Variants in EXOC4 observed in about 807,000 individuals in gnomAD.
The protein encoded by EXOC4 is exocyst complex component 4.
EXOC4 carries 71 observed loss-of-function variants against 107.2 expected under a neutral mutation model. The ratio of observed to expected loss-of-function variants is 0.66; its 90% confidence interval spans 0.55 to 0.81. The LOEUF (loss-of-function observed/expected upper bound fraction) is 0.81. EXOC4 is among the 30% of genes least tolerant of loss of function. The probability of loss-of-function intolerance (pLI) is 0.00; values close to 1 mark genes in which losing one functional copy is unlikely to be tolerated. For synonymous variants in EXOC4, 456 were observed against 441.2 expected (o/e 1.03, Z -0.42); for missense variants, 1,108 against 1,189.6 (o/e 0.93, Z 1.01).
chr7:134,031,117 T>C (rs1029086354), intron 17 of EXOC4, among the ~76,000 whole-genome samples: 36 of 152,146 alleles, frequency 2.4e-4, no homozygotes, highest in African/African-American at 7.7e-4. Context: ...TGATGGAGAA[T>C]AGCGGGGAAG....
chr7:134,035,620 CT>C (rs1383880240), intron 17 of EXOC4, among the ~76,000 whole-genome samples: 4 of 151,542 alleles, frequency 2.6e-5, no homozygotes, highest in Admixed American at 2.0e-4. Flanking sequence ...TGACTTTAAA[CT>C]TTTTTTTTCA....
intron 10 of EXOC4, among the ~76,000 whole-genome samples, chr7:133,787,639 G>A (rs933420836): frequency 1.3e-5 from 2 of 151,716 alleles, no homozygotes; most frequent in Non-Finnish European, 2.9e-5. Context: ...GAGGCTCTTG[G>A]TGGCTTACAG....
chr7:133,903,504 A>G (rs1799501380), intron 12 of EXOC4, among the ~76,000 whole-genome samples: 1 of 152,168 alleles, frequency 6.6e-6, no homozygotes, highest in South Asian at 2.1e-4. Flanking sequence ...GTGTGAGAGA[A>G]AGAAAGGTGT....
chr7:134,037,829 T>C (rs1795425888), intron 17 of EXOC4, among the ~76,000 whole-genome samples: 1 of 152,218 alleles, frequency 6.6e-6, no homozygotes, highest in African/African-American at 2.4e-5. Context: ...TATTTCCCAG[T>C]GATGTCCCAG....
At chr7:134,043,631 C>A (rs895800567) in intron 17 of EXOC4, among the ~76,000 whole-genome samples, 1 of 152,108 alleles carries the variant, frequency 6.6e-6, no homozygotes, top group Admixed American at 6.5e-5. Flanking sequence ...TCTTCCTGGT[C>A]CCTAGGAATG....
intron 11 of EXOC4, among the ~76,000 whole-genome samples, chr7:133,849,268 C>T (rs1798194807): frequency 6.6e-6 from 1 of 151,950 alleles, no homozygotes; most frequent in South Asian, 2.1e-4. Context: ...CAAAGAAATT[C>T]AATTAGCTGG....
At chr7:133,519,338 G>A (rs1026654665) in intron 9 of EXOC4, among the ~76,000 whole-genome samples, 3 of 152,040 alleles carry the variant, frequency 2.0e-5, no homozygotes, top group African/African-American at 4.8e-5. Flanking sequence ...TGGGATAATC[G>A]CTTGAGCCCA....
At chr7:133,514,775 A>G (rs1799841175) in intron 9 of EXOC4, among the ~76,000 whole-genome samples, 1 of 152,178 alleles carries the variant, frequency 6.6e-6, no homozygotes, top group African/African-American at 2.4e-5. Context: ...GAGGTTTTAT[A>G]CTTAGGAGTG....
At chr7:133,514,443 T>G (rs1156370643) in intron 9 of EXOC4, among the ~76,000 whole-genome samples, 1 of 152,172 alleles carries the variant, frequency 6.6e-6, no homozygotes, top group Non-Finnish European at 1.5e-5. Context: ...ATTACAGGCG[T>G]GAGCCACTGT....
At chr7:133,295,898 A>G (rs1794509018) in intron 3 of EXOC4, among the ~76,000 whole-genome samples, 1 of 152,180 alleles carries the variant, frequency 6.6e-6, no homozygotes. Flanking sequence ...AGCTCTGTAG[A>G]TAACAGGAGC....
chr7:133,877,379 ATGT>A (rs1798872254), intron 11 of EXOC4, among the ~76,000 whole-genome samples: 1 of 151,940 alleles, frequency 6.6e-6, no homozygotes, highest in South Asian at 2.1e-4. Flanking sequence ...TAAGTGCTGG[ATGT>A]TGTTATAGTT....
chr7:133,967,829 TA>T (rs1801106504), intron 14 of EXOC4, among the ~76,000 whole-genome samples: 1 of 152,220 alleles, frequency 6.6e-6, no homozygotes. Context: ...GAGAGTTCTG[TA>T]GATGTCTATT....
intron 5 of EXOC4, among the ~76,000 whole-genome samples, chr7:133,349,852 G>T (rs1003080926): frequency 7.9e-5 from 12 of 151,782 alleles, no homozygotes; most frequent in African/African-American, 2.7e-4. Context: ...TTTTTTTTGG[G>T]GGGGGTGATA....
At chr7:133,472,334 G>A (rs1327836150) in intron 7 of EXOC4, among the ~76,000 whole-genome samples, 1 of 152,098 alleles carries the variant, frequency 6.6e-6, no homozygotes, top group East Asian at 1.9e-4. Flanking sequence ...GACAGGAGTG[G>A]GCAAACTAAT....
At chr7:133,485,085 AT>A (rs66470656) in intron 9 of EXOC4, among the ~76,000 whole-genome samples, 118,100 of 128,678 alleles carry the variant, frequency 0.92, 55,291 homozygotes, top group South Asian at 0.98. Flanking sequence ...GTCTCAAAAA[AT>A]AAATAAATAA....
chr7:133,658,604 GCAGTTTA>G lies in EXOC4; in HGVS notation c.1514+28468_1514+28474del, dbSNP rs148363148. ...TTGGCTATGTCTTTGGGGTAACGCT[GCAGTTTA>G]CAGTCACCTCTTCTACAGATTTATT... On this transcript the variant is annotated intron_variant, in intron 10 of 17. Coordinates refer to ENST00000253861, the MANE Select transcript of EXOC4 (RefSeq NM_021807.4). Among the ~76,000 whole-genome samples, 1,482 of 152,282 alleles carry G rather than the reference GCAGTTTA, an allele frequency of 9.7e-3. 9 individuals are homozygous for G. Among genetic ancestry groups the G allele is most frequent in the Non-Finnish European group, 0.017 (1,173 of 68,030 alleles).
At chr7:133,333,028 G>A (rs527453286) in intron 5 of EXOC4, among the ~76,000 whole-genome samples, 5 of 152,196 alleles carry the variant, frequency 3.3e-5, no homozygotes, top group African/African-American at 1.2e-4. Context: ...CACATTCCAA[G>A]GTATGATTAT....
chr7:134,018,489 A>G (rs1794958633), intron 17 of EXOC4, among the ~76,000 whole-genome samples: 1 of 152,158 alleles, frequency 6.6e-6, no homozygotes, highest in Admixed American at 6.5e-5. Context: ...CCAAACAGAA[A>G]AAGATCAGAG....
chr7:133,714,991 A>G (rs1288265792), intron 10 of EXOC4, among the ~76,000 whole-genome samples: 1 of 152,070 alleles, frequency 6.6e-6, no homozygotes, highest in Non-Finnish European at 1.5e-5. Flanking sequence ...TGGTTCTAAT[A>G]CCTGATTCCA....
Sources: gnomAD v4.1 joint callset for allele counts (sites outside exome capture counted in the v4.1 genomes callset) on GRCh38, gnomAD v4.1.1 for gene constraint, MANE v1.5 for transcripts, NCBI Gene and HGNC (gene_info 2026-07-23, HGNC 2026-07-21) for gene names.